LRP1B: variants seen among roughly 807,000 people sequenced by gnomAD.
LRP1B encodes the protein low-density lipoprotein receptor-related protein 1B.
In LRP1B, 217 loss-of-function variants were observed where a neutral mutation model predicts 556.6. That is an observed-to-expected ratio of 0.39 (90% confidence interval 0.35 to 0.44). LRP1B has a LOEUF of 0.44. LRP1B is among the 20% of genes least tolerant of loss of function. The pLI is 1.00. For missense variants in LRP1B, 5,053 were observed against 5,620.8 expected (o/e 0.90, Z 3.23); for synonymous variants, 2,047 against 1,865.8 (o/e 1.10, Z -2.50).
chr2:141,231,559 G>A (rs300386), intron 5 of LRP1B, among the ~76,000 whole-genome samples: 16,463 of 151,956 alleles, frequency 0.11, 1,026 homozygotes, highest in South Asian at 0.17. Flanking sequence ...CTTGGGAAAA[G>A]CATGCAGCTT....
chr2:140,484,360 A>C (rs1462871712), intron 59 of LRP1B, among the ~76,000 whole-genome samples: 2 of 152,176 alleles, frequency 1.3e-5, no homozygotes, highest in Admixed American at 1.3e-4. Context: ...ACAGAGATAC[A>C]TTAACGAGAA....
chr2:140,312,169 A>C (rs956690737), intron 83 of LRP1B, among the ~76,000 whole-genome samples: 1 of 151,940 alleles, frequency 6.6e-6, no homozygotes, highest in African/African-American at 2.4e-5. Flanking sequence ...TAAAATATTC[A>C]ATTCAAATGT....
In LRP1B at chr2:141,444,897, T is replaced by C. The variant is rs145438859; in HGVS notation, c.343+35499A>G. 8.8e-3 allele frequency among the ~76,000 whole-genome samples: 1,339 copies of C among 152,284 alleles called. 27 individuals are homozygous for C. Among genetic ancestry groups the C allele is most frequent in the African/African-American group, 0.029 (1,186 of 41,530 alleles). On this transcript the variant is annotated intron_variant, in intron 3 of 90. Coordinates refer to ENST00000389484, the MANE Select transcript of LRP1B (RefSeq NM_018557.3). ...ATTGGCCTGAACTTTTCTTTTTCTG[T>C]TGTGTCTCTGTCAGGTTCTGGTATC...
chr2:140,972,483 G>A (rs75988504), intron 18 of LRP1B, among the ~76,000 whole-genome samples: 6,603 of 152,206 alleles, frequency 0.043, 172 homozygotes, highest in Middle Eastern at 0.075. Flanking sequence ...GCTAAAATAT[G>A]AGTTTATCTT....
At position 141,049,250 on chromosome 2, in the gene LRP1B, C is replaced by A. The variant is rs376266716; in HGVS notation, c.1553-28G>T. ...GCAGAGGAAAGATTACAAACACAAA[C>A]AACTGATGCTGCTTAATCTTCTTTA... On this transcript the variant is annotated intron_variant, in intron 10 of 90. Transcript: ENST00000389484. 1.0e-5 allele frequency: 14 copies of A among 1,394,866 alleles called. No individual in the cohort carries two copies. In the African/African-American group the frequency reaches 1.6e-4, roughly 16 times the overall value. 86.4% of individuals were successfully genotyped at this position (1,394,866 alleles called of 1,614,324 possible).
At chr2:140,347,481 G>A (rs771482214) in intron 77 of LRP1B, among the ~76,000 whole-genome samples, 13 of 150,012 alleles carry the variant, frequency 8.7e-5, no homozygotes, top group South Asian at 2.1e-4. Context: ...AAAAAGAAAC[G>A]GGATCACATG....
intron 7 of LRP1B, among the ~76,000 whole-genome samples, chr2:141,073,685 A>T (rs1699706368): frequency 6.6e-6 from 1 of 151,808 alleles, no homozygotes; most frequent in African/African-American, 2.4e-5. Context: ...TTTCTTTCCA[A>T]ATCTGTTCTT....
At chr2:141,215,980 A>G (rs779064991) in intron 6 of LRP1B, among the ~76,000 whole-genome samples, 4 of 152,242 alleles carry the variant, frequency 2.6e-5, no homozygotes, top group Non-Finnish European at 5.9e-5. Flanking sequence ...AGAAATTTGC[A>G]TAACTAAAAA....
rs2105396555 is a variant in LRP1B at position 141,019,936 on chromosome 2, C to T, written c.1956G>A (p.Val652=). 2 of 1,596,580 alleles carry T rather than the reference C, an allele frequency of 1.3e-6. No homozygotes were observed. Among genetic ancestry groups the T allele is most frequent in the South Asian group, 1.1e-5 (1 of 88,414 alleles). The change falls in exon 12 of 91, where the codon GTG becomes GTA. Residue 652 remains valine (V), a synonymous_variant. Coordinates refer to ENST00000389484, the MANE Select transcript of LRP1B (RefSeq NM_018557.3). ...GEMSHPRGIV[V]DPVNGWMYWT... ...ATATTGCATACCCATTAACTGGATC[C>T]ACCACAATTCCTCTGGGATGAGACA... is the stretch of plus-strand genomic sequence containing the variant.
At chr2:141,576,621 G>A (rs1010418888) in intron 2 of LRP1B, among the ~76,000 whole-genome samples, 10 of 151,704 alleles carry the variant, frequency 6.6e-5, no homozygotes, top group African/African-American at 2.4e-4. Context: ...AGGTTTAGTT[G>A]TACATGCCTA....
chr2:140,895,866 A>G (rs1693938882), intron 23 of LRP1B, among the ~76,000 whole-genome samples: 1 of 152,106 alleles, frequency 6.6e-6, no homozygotes, highest in Non-Finnish European at 1.5e-5. Context: ...AACAACGCCA[A>G]GCTGTTTTTT....
chr2:140,522,471 G>C (rs1054655126), intron 49 of LRP1B, among the ~76,000 whole-genome samples: 7 of 151,610 alleles, frequency 4.6e-5, no homozygotes, highest in Non-Finnish European at 7.4e-5. Flanking sequence ...ACATCAAAAA[G>C]ATAGAAAGAG....
chr2:140,886,432 TA>T, intron 23 of LRP1B, 97 bp from the exon 24 acceptor site: 1 of 663,582 alleles, frequency 1.5e-6, no homozygotes, highest in Middle Eastern at 4.4e-4. Context: ...TATAATTTAT[TA>T]CATAATTCTC....
At chr2:141,614,471 C>A (rs1021719108) in intron 2 of LRP1B, among the ~76,000 whole-genome samples, 2 of 152,108 alleles carry the variant, frequency 1.3e-5, no homozygotes, top group Admixed American at 6.5e-5. Flanking sequence ...GTGCATGTGA[C>A]TTTATTTGGA....
intron 1 of LRP1B, among the ~76,000 whole-genome samples, chr2:141,933,159 C>A (rs77831388): frequency 0.09 from 13,722 of 151,818 alleles, 854 homozygotes; most frequent in Non-Finnish European, 0.13. Context: ...TCTATGATAT[C>A]TTCATAGGGG....
At chr2:140,537,902 C>G (rs141520555) in intron 45 of LRP1B, among the ~76,000 whole-genome samples, 11 of 152,150 alleles carry the variant, frequency 7.2e-5, no homozygotes, top group Non-Finnish European at 1.6e-4. Flanking sequence ...AATAGATTTA[C>G]TAGCAAATTT....
chr2:141,466,221 A>G (rs966799374), intron 3 of LRP1B, among the ~76,000 whole-genome samples: 1 of 152,164 alleles, frequency 6.6e-6, no homozygotes, highest in Non-Finnish European at 1.5e-5. Context: ...TATATCTTGA[A>G]GGAGTCAGTG....
intron 84 of LRP1B, among the ~76,000 whole-genome samples, chr2:140,275,093 C>T (rs958504886): frequency 6.6e-6 from 1 of 151,942 alleles, no homozygotes; most frequent in Non-Finnish European, 1.5e-5. Flanking sequence ...CAAACTTTCT[C>T]ATTAATGCAG....
At chr2:140,341,016 A>G (rs568581941) in intron 77 of LRP1B, among the ~76,000 whole-genome samples, 21 of 151,782 alleles carry the variant, frequency 1.4e-4, no homozygotes, top group African/African-American at 4.6e-4. Context: ...AGAAAAGTTA[A>G]GAGAAGCAAA....
Sources: gnomAD v4.1 joint callset for allele counts (sites outside exome capture counted in the v4.1 genomes callset) on GRCh38, gnomAD v4.1.1 for gene constraint, MANE v1.5 for transcripts, NCBI Gene and HGNC (gene_info 2026-07-23, HGNC 2026-07-21) for gene names.